VPS13C: variants seen among roughly 807,000 people sequenced by gnomAD.
VPS13C encodes the protein intermembrane lipid transfer protein VPS13C.
A neutral mutation model predicts 456.8 loss-of-function variants in VPS13C; 358 were observed. The ratio of observed to expected loss-of-function variants is 0.78; its 90% CI spans 0.72 to 0.86. VPS13C has a LOEUF of 0.86. VPS13C is among the 40% of genes least tolerant of loss of function. The probability of loss-of-function intolerance (pLI) is 0.00; values close to 1 mark genes in which losing one functional copy is unlikely to be tolerated. For missense variants in VPS13C, 4,818 were observed against 4,385.4 expected (o/e 1.10, Z -2.79); for synonymous variants, 1,578 against 1,486.7 (o/e 1.06, Z -1.41).
chr15:61,927,312 CAG>C lies in VPS13C; in HGVS notation c.6293_6294del (p.Ser2098CysfsTer2), dbSNP rs1313658577. The C allele has an allele frequency of 3.1e-6, 5 of 1,613,188 alleles. No homozygotes were observed. The highest frequency in any genetic ancestry group is 4.2e-6 in the Non-Finnish European group (5 of 1,179,566). On this transcript the variant is annotated frameshift_variant, in exon 52 of 85. Coordinates refer to ENST00000644861, the MANE Select transcript of VPS13C (RefSeq NM_020821.3). LOFTEE classifies it high-confidence loss of function. ...GCCTTTAAAGTCATATTTGGTCTAA[CAG>C]AGTCATCTGAAGAAACAAGCAACAG... ...TGKVKIEKDD[S>X]VRPNMTLKAM... is the part of the protein sequence containing the mutation.
In VPS13C at chr15:61,990,872, T is replaced by G. The variant is rs961798187; in HGVS notation, c.1578+128A>C. The G allele has an allele frequency of 1.2e-5, 8 of 647,512 alleles. No individual in the cohort carries two copies. In the Admixed American group the frequency reaches 2.7e-4, roughly 22 times the overall value. The allele number at this position is 647,512 out of a possible 1,614,324, so 40.1% of individuals were successfully genotyped here. Reference sequence around the variant, plus strand: ...TAATTGGTAAAACCTGACTGAAACATTCAACCATTAAGTAGCAGAGTGGAA... The same window carrying G: ...TAATTGGTAAAACCTGACTGAAACAGTCAACCATTAAGTAGCAGAGTGGAA... On this transcript the variant is annotated intron_variant, in intron 18 of 84. Coordinates refer to ENST00000644861, the MANE Select transcript of VPS13C (RefSeq NM_020821.3).
intron 14 of VPS13C, among the ~76,000 whole-genome samples, chr15:62,007,922 T>C (rs372422843): frequency 6.6e-6 from 1 of 151,944 alleles, no homozygotes; most frequent in African/African-American, 2.4e-5. Context: ...CTGGCCAACA[T>C]GGTGAAACCC....
At chr15:61,935,744 T>G (rs2044207402) in intron 48 of VPS13C, 1 of 152,210 alleles carries the variant, frequency 6.6e-6, no homozygotes, top group Non-Finnish European at 1.5e-5. Flanking sequence ...CCTTGCACAC[T>G]GTTCTAGTCA....
At chr15:62,058,672 T>C (rs2048883333) in intron 1 of VPS13C, among the ~76,000 whole-genome samples, 1 of 152,202 alleles carries the variant, frequency 6.6e-6, no homozygotes. Flanking sequence ...TCAGGGGTAC[T>C]GAAGCCAATC....
At chr15:61,994,277 T>G (rs959545191) in intron 16 of VPS13C, among the ~76,000 whole-genome samples, 1 of 152,234 alleles carries the variant, frequency 6.6e-6, no homozygotes, top group Non-Finnish European at 1.5e-5. Flanking sequence ...TTTAAGCAAC[T>G]GTAGCTGGTA....
chr15:62,015,168 TTC>T (rs1255588479), intron 9 of VPS13C, among the ~76,000 whole-genome samples: 1 of 152,320 alleles, frequency 6.6e-6, no homozygotes, highest in South Asian at 2.1e-4. Context: ...TCTGGAACAA[TTC>T]TCTCTCTATC....
At chr15:62,009,056 T>C (rs912810280) in intron 13 of VPS13C, among the ~76,000 whole-genome samples, 3 of 152,256 alleles carry the variant, frequency 2.0e-5, no homozygotes, top group Non-Finnish European at 2.9e-5. Flanking sequence ...ACACATCCTA[T>C]TTTCAAATGT....
intron 65 of VPS13C, among the ~76,000 whole-genome samples, chr15:61,908,571 T>C (rs564818472): frequency 1.3e-5 from 2 of 152,086 alleles, no homozygotes; most frequent in South Asian, 2.1e-4. Flanking sequence ...AAAAACTAAA[T>C]ACAGATTTAT....
chr15:61,915,838 T>G lies in VPS13C; in HGVS notation c.8240A>C (p.Glu2747Ala), dbSNP rs372369251. 1.9e-6 allele frequency: 3 copies of G among 1,613,900 alleles called. No individual in the cohort carries two copies. The African/African-American group carries it at 4.0e-5, about 22-fold the overall frequency. The change falls in exon 61 of 85, where the codon GAA becomes GCA. Residue 2747 changes from glutamate to alanine, a missense_variant. This residue lies in a region of VPS13C where 4,552 missense variants were observed against 4,130.6 expected (regional missense o/e 1.10). Transcript: ENST00000644861. ...FPVCFSSDST[E>A]VTTVDLSVHV... is the part of the protein sequence containing the mutation. ...GACTGACAGGTCGACTGTCGTCACT[T>G]CTGTGGAGTCAGAAGAAAAACACAC...
chr15:61,984,115 C>T, intron 19 of VPS13C, 103 bp from the exon 20 acceptor site: 1 of 1,029,164 alleles, frequency 9.7e-7, no homozygotes, highest in African/African-American at 1.6e-5. Flanking sequence ...AGAACCAGGA[C>T]CATCCATGCA....
At chr15:61,934,873 C>T (rs2140236369) in intron 48 of VPS13C, among the ~76,000 whole-genome samples, 1 of 152,238 alleles carries the variant, frequency 6.6e-6, no homozygotes, top group Admixed American at 6.5e-5. Context: ...GCCTCAGCCT[C>T]CCAAGTAGCT....
At chr15:61,984,603 A>T (rs1450499829) in intron 19 of VPS13C, among the ~76,000 whole-genome samples, 1 of 152,250 alleles carries the variant, frequency 6.6e-6, no homozygotes, top group Non-Finnish European at 1.5e-5. Context: ...CACAGCTTTT[A>T]CATTATTGAG....
At chr15:61,996,598 G>C (rs759927119) in intron 16 of VPS13C, among the ~76,000 whole-genome samples, 2 of 151,898 alleles carry the variant, frequency 1.3e-5, no homozygotes, top group African/African-American at 4.8e-5. Context: ...TATAGTACAT[G>C]ACATAAAGGC....
rs746523723 is a variant in VPS13C at position 61,949,504 on chromosome 15, AGAAGAG to A, written c.4692_4697del (p.Ser1565_Ser1566del). The A allele has an allele frequency of 2.0e-5, 32 of 1,613,544 alleles. No individual in the cohort carries two copies. The highest frequency in any genetic ancestry group is 2.6e-5 in the Non-Finnish European group (31 of 1,179,884). ...GTGGTTTCAGCTCGGATTCCTTCTC[AGAAGAG>A]GAAGGCTCAGAGAATGGAGCAGCAG... On this transcript the variant is annotated inframe_deletion, in exon 42 of 85. Transcript: ENST00000644861.
chr15:62,048,676 C>A (rs1165285164), intron 1 of VPS13C, among the ~76,000 whole-genome samples: 4 of 151,982 alleles, frequency 2.6e-5, no homozygotes, highest in Non-Finnish European at 1.5e-5. Flanking sequence ...GAGGAATCGC[C>A]ACACTGTCTT....
At chr15:61,912,828 T>C (rs2043343720) in intron 62 of VPS13C, among the ~76,000 whole-genome samples, 1 of 125,662 alleles carries the variant, frequency 8.0e-6, no homozygotes, top group African/African-American at 3.0e-5. Context: ...GAGTGTGATG[T>C]TCCCCTTCCT....
intron 67 of VPS13C, 140 bp from the exon 68 acceptor site, chr15:61,884,409 T>TAC: frequency 2.3e-6 from 2 of 861,626 alleles, no homozygotes; most frequent in Non-Finnish European, 3.4e-6. Context: ...TAACGAACTA[T>TAC]ACCTGTGTTG....
intron 5 of VPS13C, among the ~76,000 whole-genome samples, chr15:62,028,928 A>G (rs1281193587): frequency 6.6e-6 from 1 of 152,048 alleles, no homozygotes; most frequent in Non-Finnish European, 1.5e-5. Context: ...AGCATCTTCT[A>G]CTTCGCTCTC....
intron 16 of VPS13C, among the ~76,000 whole-genome samples, chr15:61,998,183 T>G (rs145702307): frequency 6.6e-6 from 1 of 152,176 alleles, no homozygotes; most frequent in African/African-American, 2.4e-5. Flanking sequence ...ACCTTTCCCT[T>G]AGATATCTTT....
Sources: allele counts gnomAD v4.1 joint callset (sites outside exome capture counted in the v4.1 genomes callset), GRCh38; gene constraint gnomAD v4.1.1; regional missense constraint gnomAD v4.1.1; transcripts MANE v1.5; gene names NCBI Gene and HGNC (gene_info 2026-07-23, HGNC 2026-07-21).